Variants in GSE1 observed in about 807,000 individuals in gnomAD.
The protein encoded by GSE1 is Gse1 coiled-coil protein.
A neutral mutation model predicts 112.6 loss-of-function variants in GSE1; 32 were observed. The observed-to-expected ratio is 0.28, with a 90% CI of 0.21 to 0.38. GSE1 has a LOEUF of 0.38. Among genes scored for constraint, GSE1 ranks in the 10% least tolerant of loss-of-function variants. GSE1 has a pLI of 1.00. For synonymous variants in GSE1, 1,115 were observed against 735.6 expected, an observed-to-expected ratio of 1.52 and a Z score of -8.35; for missense variants, 2,348 against 1,699.2, an observed-to-expected ratio of 1.38 and a Z score of -6.71.
At chr16:85,607,578 G>A (rs184508730), upstream of GSE1, among the ~76,000 whole-genome samples, 167 of 152,338 alleles carry the variant, frequency 1.1e-3, no homozygotes, top group African/African-American at 3.9e-3. Flanking sequence ...CTCAAAGGGA[G>A]TTAGCCGGGC....
chr16:85,179,187 C>A (rs2074530734), intron 1 of GSE1, among the ~76,000 whole-genome samples: 2 of 152,106 alleles, frequency 1.3e-5, no homozygotes, highest in Admixed American at 1.3e-4. Flanking sequence ...CCCCTGGCAC[C>A]CACTCGTCTG....
intron 2 of GSE1, among the ~76,000 whole-genome samples, chr16:85,364,986 C>G (rs967647039): frequency 2.6e-5 from 4 of 152,226 alleles, no homozygotes; most frequent in Non-Finnish European, 5.9e-5. Context: ...CCCTGGCTGT[C>G]TTCGAGGCTG....
At chr16:85,591,797 G>A (rs893914769) in intron 1 of GSE1, among the ~76,000 whole-genome samples, 2 of 152,226 alleles carry the variant, frequency 1.3e-5, no homozygotes, top group Non-Finnish European at 2.9e-5. Flanking sequence ...TGGGTGCTAG[G>A]AATTCATCAC....
intron 1 of GSE1, among the ~76,000 whole-genome samples, chr16:85,571,881 G>C (rs937670599): frequency 6.6e-6 from 1 of 152,036 alleles, no homozygotes; most frequent in African/African-American, 2.4e-5. Context: ...GGGGAAGTGA[G>C]TTGGGCGTGG....
chr16:85,382,961 A>C (rs757156633), intron 2 of GSE1, among the ~76,000 whole-genome samples: 3 of 149,156 alleles, frequency 2.0e-5, no homozygotes, highest in Non-Finnish European at 3.0e-5. Flanking sequence ...ACACACGTGC[A>C]CACACATGCA....
At chr16:85,601,003 A>G (rs2047439825) in intron 1 of GSE1, among the ~76,000 whole-genome samples, 1 of 147,644 alleles carries the variant, frequency 6.8e-6, no homozygotes, top group Admixed American at 6.6e-5. Context: ...GGCTTCCACC[A>G]GTGGGGGGGT....
At chr16:85,577,916 C>T (rs763483137) in intron 1 of GSE1, among the ~76,000 whole-genome samples, 4 of 152,224 alleles carry the variant, frequency 2.6e-5, no homozygotes, top group Non-Finnish European at 2.9e-5. Context: ...TGCTGATGCC[C>T]GATGGCCGTG....
At chr16:85,470,942 C>A (rs2050274974) in intron 2 of GSE1, among the ~76,000 whole-genome samples, 1 of 152,232 alleles carries the variant, frequency 6.6e-6, no homozygotes, top group South Asian at 2.1e-4. Flanking sequence ...TGATTATCTC[C>A]TGACACATAG....
chr16:85,661,801 G>C (rs199920694), intron 9 of GSE1, 36 bp downstream of exon 9: 2 of 1,458,402 alleles, frequency 1.4e-6, no homozygotes, highest in African/African-American at 1.4e-5. Context: ...TGCTCAGGGA[G>C]AGCCGCACAG....
intron 1 of GSE1, among the ~76,000 whole-genome samples, chr16:85,172,060 G>A (rs547866571): frequency 6.6e-6 from 1 of 152,292 alleles, no homozygotes; most frequent in African/African-American, 2.4e-5. Context: ...GGAAGAATAG[G>A]GCACTGCTGA....
intron 1 of GSE1, among the ~76,000 whole-genome samples, chr16:85,200,060 C>T (rs1181108980): frequency 6.6e-6 from 1 of 152,198 alleles, no homozygotes; most frequent in South Asian, 2.1e-4. Flanking sequence ...CTTCTGCCTT[C>T]GTCTCCTCTG....
chr16:85,208,325 G>A (rs1462083300), intron 1 of GSE1, among the ~76,000 whole-genome samples: 1 of 152,184 alleles, frequency 6.6e-6, no homozygotes, highest in African/African-American at 2.4e-5. Flanking sequence ...CTCCCTGAAC[G>A]GTCTGCGGAG....
chr16:85,286,257 T>C (rs759632922), intron 1 of GSE1, among the ~76,000 whole-genome samples: 1 of 152,160 alleles, frequency 6.6e-6, no homozygotes, highest in Non-Finnish European at 1.5e-5. Flanking sequence ...TTCAGGCGGG[T>C]CGGCCCACGG....
At chr16:85,555,776 A>C (rs1205429858), upstream of GSE1, 1 of 974,492 alleles carries the variant, frequency 1.0e-6, no homozygotes, top group Non-Finnish European at 1.2e-6. Context: ...AATGGAGGAG[A>C]GATTGCTACT....
At chr16:85,665,863 C>A (rs924415267) in intron 12 of GSE1, 113 bp from the exon 13 acceptor site, 1 of 1,008,934 alleles carries the variant, frequency 9.9e-7, no homozygotes, top group Non-Finnish European at 1.5e-6. Flanking sequence ...GGTCTTGGTT[C>A]TTTGCGCTAG....
intron 2 of GSE1, among the ~76,000 whole-genome samples, chr16:85,498,920 C>G (rs72801109): frequency 0.035 from 5,405 of 152,344 alleles, 153 homozygotes; most frequent in Non-Finnish European, 0.049. Flanking sequence ...AGGCCGTGAG[C>G]GGCATTGCAC....
chr16:85,672,335 G>A (rs758379877), intron 15 of GSE1, 70 bp from the exon 16 acceptor site: 2 of 1,192,006 alleles, frequency 1.7e-6, no homozygotes, highest in Middle Eastern at 1.9e-4. Flanking sequence ...CATCCAGCAT[G>A]TTTGTACTCT....
At chr16:85,491,232 TGGGTGCCACCTGGGGCCACGAGAA>T (rs919069379) in intron 2 of GSE1, among the ~76,000 whole-genome samples, 1 of 152,202 alleles carries the variant, frequency 6.6e-6, no homozygotes, top group African/African-American at 2.4e-5. Context: ...TTCAGGCCTC[TGGGTGCCACCTGGGGCCACGAGAA>T]GGGACCCAGG....
chr16:85,184,802 G>A (rs1279669144), intron 1 of GSE1, among the ~76,000 whole-genome samples: 2 of 152,032 alleles, frequency 1.3e-5, no homozygotes, highest in Non-Finnish European at 2.9e-5. Context: ...TTAATTCTGT[G>A]AACAGAGAAG....
Sources: gnomAD v4.1 joint callset for allele counts (sites outside exome capture counted in the v4.1 genomes callset) on GRCh38, gnomAD v4.1.1 for gene constraint, MANE v1.5 for transcripts, NCBI Gene and HGNC (gene_info 2026-07-23, HGNC 2026-07-21) for gene names.